PINX1: variants seen among roughly 807,000 people sequenced by gnomAD.
The protein encoded by PINX1 is PIN2 (TERF1) interacting telomerase inhibitor 1.
A neutral mutation model predicts 25.4 loss-of-function variants in PINX1; 34 were observed. That is an observed-to-expected ratio of 1.34 (90% CI 1.02 to 1.78). The LOEUF (loss-of-function observed/expected upper bound fraction) is 1.78. PINX1 is among the 40% of genes most tolerant of loss of function. PINX1 has a pLI of 0.00. For synonymous variants in PINX1, 197 were observed against 147.7 expected, an observed-to-expected ratio of 1.33 and a Z score of -2.42; for missense variants, 592 against 404.9, an observed-to-expected ratio of 1.46 and a Z score of -3.97.
chr8:10,782,576 A>C lies in PINX1; in HGVS notation c.472-16660T>G, dbSNP rs146717953. 3.2e-3 allele frequency among the ~76,000 whole-genome samples: 480 copies of C among 152,042 alleles called. 3 individuals are homozygous for C. Among genetic ancestry groups the C allele is most frequent in the African/African-American group, 0.011 (458 of 41,448 alleles). On this transcript the variant is annotated intron_variant, in intron 6 of 6. Coordinates refer to ENST00000314787, the MANE Select transcript of PINX1 (RefSeq NM_017884.6). ...TATGCTGAAACCCCGTCTCTACTAAAAATACAAAAATTAGCTGGGCGTGGT... is the reference window on the plus strand; with the variant it reads ...TATGCTGAAACCCCGTCTCTACTAACAATACAAAAATTAGCTGGGCGTGGT...
intron 4 of PINX1, among the ~76,000 whole-genome samples, chr8:10,829,879 T>A (rs1021529573): frequency 6.6e-6 from 1 of 152,130 alleles, no homozygotes; most frequent in Non-Finnish European, 1.5e-5. Flanking sequence ...AGACAGGGTT[T>A]CTCCATGTTG....
At chr8:10,770,156 C>T (rs1405535546) in intron 6 of PINX1, among the ~76,000 whole-genome samples, 1 of 152,188 alleles carries the variant, frequency 6.6e-6, no homozygotes, top group Non-Finnish European at 1.5e-5. Context: ...AGGCAAGAAG[C>T]CCTCTTGGGC....
chr8:10,769,785 C>A (rs950284490), intron 6 of PINX1, among the ~76,000 whole-genome samples: 1 of 152,200 alleles, frequency 6.6e-6, no homozygotes, highest in Non-Finnish European at 1.5e-5. Flanking sequence ...GTGCAAAGCC[C>A]TTGCTCCCTG....
chr8:10,823,930 A>G (rs1034096243), intron 5 of PINX1, among the ~76,000 whole-genome samples: 11 of 152,110 alleles, frequency 7.2e-5, no homozygotes, highest in African/African-American at 2.7e-4. Flanking sequence ...TTTAATCTTC[A>G]CTCTTCCCAA....
chr8:10,813,697 A>G (rs1355788404), intron 6 of PINX1, among the ~76,000 whole-genome samples: 1 of 152,164 alleles, frequency 6.6e-6, no homozygotes, highest in Non-Finnish European at 1.5e-5. Flanking sequence ...TTCTAATTCA[A>G]TCAGGTTAGA....
intron 4 of PINX1, among the ~76,000 whole-genome samples, chr8:10,830,678 T>G (rs1055590281): frequency 5.9e-5 from 9 of 152,190 alleles, no homozygotes; most frequent in African/African-American, 2.2e-4. Context: ...TAGACACTTC[T>G]TCAAAGAAGA....
chr8:10,801,780 G>A (rs1273149358), intron 6 of PINX1, among the ~76,000 whole-genome samples: 1 of 152,202 alleles, frequency 6.6e-6, no homozygotes, highest in African/African-American at 2.4e-5. Flanking sequence ...GCTCCTGGAT[G>A]CTTTAAACCT....
chr8:10,810,364 TG>T (rs1184823632), intron 6 of PINX1, among the ~76,000 whole-genome samples: 2 of 152,224 alleles, frequency 1.3e-5, no homozygotes, highest in Admixed American at 1.3e-4. Context: ...TGGCTCATGC[TG>T]CTTTTGCCTT....
intron 6 of PINX1, among the ~76,000 whole-genome samples, chr8:10,808,358 G>C (rs993953110): frequency 6.6e-6 from 1 of 152,196 alleles, no homozygotes; most frequent in African/African-American, 2.4e-5. Context: ...AGGCTTGTGA[G>C]GTGGAGTGGC....
At position 10,765,815 on chromosome 8, in the gene PINX1, G is replaced by C. The variant is rs368065834; in HGVS notation, c.573C>G (p.Asn191Lys). The change falls in exon 7 of 7, where the codon AAC becomes AAG. Residue 191 changes from asparagine (N) to lysine (K), a missense_variant. By Grantham distance (94) the Asn-to-Lys change is moderately conservative (BLOSUM62 0). Coordinates refer to ENST00000314787, the MANE Select transcript of PINX1 (RefSeq NM_017884.6). The part of the protein sequence containing the change: ...YFAKRMAALK[N>K]KPQVPVPGSD... ...ACCCTGGAACTGGAACCTGGGGCTT[G>C]TTCTTCAGTGCTGCCATCCGCTTGG... The C allele has an allele frequency of 1.9e-6, 3 of 1,613,824 alleles. No homozygotes were observed. Among genetic ancestry groups the C allele is most frequent in the East Asian group, 2.2e-5 (1 of 44,902 alleles).
intron 4 of PINX1, among the ~76,000 whole-genome samples, chr8:10,829,301 A>AAAAG (rs1393193576): frequency 2.6e-5 from 4 of 151,602 alleles, no homozygotes; most frequent in Non-Finnish European, 2.9e-5. Context: ...AAAAAAAAAA[A>AAAAG]AAAAGAGAGA....
intron 6 of PINX1, 64 bp from the exon 7 acceptor site, chr8:10,765,980 G>C: frequency 6.6e-7 from 1 of 1,526,162 alleles, no homozygotes; most frequent in South Asian, 1.2e-5. Flanking sequence ...ACCGCACCCA[G>C]GAGGCACCCA....
At chr8:10,815,308 A>T (rs1215236618) in intron 6 of PINX1, among the ~76,000 whole-genome samples, 2 of 152,148 alleles carry the variant, frequency 1.3e-5, no homozygotes, top group Non-Finnish European at 2.9e-5. Flanking sequence ...AGTTTCATAA[A>T]CATGTCCTAG....
At chr8:10,822,845 G>A (rs1018450471) in intron 5 of PINX1, among the ~76,000 whole-genome samples, 1 of 152,210 alleles carries the variant, frequency 6.6e-6, no homozygotes, top group African/African-American at 2.4e-5. Context: ...CAAGGAATAT[G>A]TTTGCTAAAA....
At chr8:10,830,615 T>C (rs759040797) in intron 4 of PINX1, among the ~76,000 whole-genome samples, 6 of 152,304 alleles carry the variant, frequency 3.9e-5, no homozygotes, top group African/African-American at 7.2e-5. Flanking sequence ...AGAATGTTTA[T>C]AAAAATGCTT....
chr8:10,783,874 C>G (rs1404217764), intron 6 of PINX1, among the ~76,000 whole-genome samples: 1 of 152,170 alleles, frequency 6.6e-6, no homozygotes, highest in Non-Finnish European at 1.5e-5. Flanking sequence ...TCAATTCAAG[C>G]CTGATCCTAA....
chr8:10,832,182 A>T (rs1298433245), intron 3 of PINX1, among the ~76,000 whole-genome samples: 1 of 152,122 alleles, frequency 6.6e-6, no homozygotes, highest in Non-Finnish European at 1.5e-5. Context: ...ACTTGCATCA[A>T]CTCCAATTTT....
intron 1 of PINX1, among the ~76,000 whole-genome samples, chr8:10,837,745 A>G (rs1224772071): frequency 2.0e-5 from 3 of 152,218 alleles, no homozygotes; most frequent in Non-Finnish European, 4.4e-5. Flanking sequence ...GACTTATGCT[A>G]GGATCCCATT....
At chr8:10,836,157 A>G (rs1798399478) in intron 1 of PINX1, among the ~76,000 whole-genome samples, 1 of 152,200 alleles carries the variant, frequency 6.6e-6, no homozygotes, top group South Asian at 2.1e-4. Context: ...TGGCACACAT[A>G]AAATCAATAG....
Sources: allele counts gnomAD v4.1 joint callset (sites outside exome capture counted in the v4.1 genomes callset), GRCh38; gene constraint gnomAD v4.1.1; transcripts MANE v1.5; gene names NCBI Gene and HGNC (gene_info 2026-07-23, HGNC 2026-07-21).